PAPOLA: variants seen among roughly 807,000 people sequenced by gnomAD.
The protein encoded by PAPOLA is poly(A) polymerase alpha.
In PAPOLA, 15 loss-of-function variants were observed where a neutral mutation model predicts 100.6. That is an observed-to-expected ratio of 0.15 (90% CI 0.10 to 0.23). The LOEUF (loss-of-function observed/expected upper bound fraction) is 0.23, where lower values mean the gene tolerates loss of function less well. PAPOLA is among the 10% of genes least tolerant of loss of function. The pLI is 1.00. For synonymous variants in PAPOLA, 293 were observed against 300.0 expected, an observed-to-expected ratio of 0.98 and a Z score of 0.24; for missense variants, 533 against 884.2, an observed-to-expected ratio of 0.60 and a Z score of 5.04.
intron 1 of PAPOLA, among the ~76,000 whole-genome samples, chr14:96,505,453 CAT>C (rs1452988114): frequency 6.6e-6 from 1 of 152,146 alleles, no homozygotes; most frequent in Non-Finnish European, 1.5e-5. Context: ...GAGTATCACA[CAT>C]ATGATAAAAA....
chr14:96,557,911 G>A (rs1317967237), intron 19 of PAPOLA, among the ~76,000 whole-genome samples: 1 of 151,782 alleles, frequency 6.6e-6, no homozygotes, highest in Admixed American at 6.6e-5. Context: ...TTAAATTGTT[G>A]TTATGATGTA....
At chr14:96,556,030 G>A in intron 18 of PAPOLA, 83 bp downstream of exon 18, 1 of 1,181,064 alleles carries the variant, frequency 8.5e-7, no homozygotes. Flanking sequence ...GGTTTGTTAA[G>A]TAGTTGAAAT....
At position 96,566,904 on chromosome 14, in the gene PAPOLA, C is replaced by G. The variant is rs149042934; in HGVS notation, c.*1854C>G. On this transcript the variant is annotated 3_prime_UTR_variant, in exon 22 of 22. Coordinates refer to ENST00000216277, the MANE Select transcript of PAPOLA (RefSeq NM_032632.5). Reference sequence around the variant, plus strand: ...CACCCAAGTTTTGCCAAGCTGGAAACTTGGACCTTTTCTGTGTAGTGACTT... The same window carrying G: ...CACCCAAGTTTTGCCAAGCTGGAAAGTTGGACCTTTTCTGTGTAGTGACTT... The G allele has an allele frequency of 4.6e-5, 7 of 152,682 alleles. No homozygotes were observed. Among genetic ancestry groups the G allele is most frequent in the African/African-American group, 1.4e-4 (6 of 41,570 alleles). 9.5% of individuals were successfully genotyped at this position (152,682 alleles called of 1,614,324 possible). A position where few individuals can be genotyped will look rare whatever the true frequency, so the allele number is the denominator to read the frequency against.
In PAPOLA at chr14:96,536,825, A is replaced by G. The variant is rs1344268502; in HGVS notation, c.1031-151A>G. On this transcript the variant is annotated intron_variant, in intron 11 of 21. Transcript: ENST00000216277. ...TTAAAAAAAAAATGTGTATATATAT[A>G]AGAGTATGCTCTAAAATCATAAGCT... The G allele has an allele frequency of 7.0e-6, 4 of 567,906 alleles. No homozygotes were observed. In the South Asian group the frequency reaches 7.6e-5, roughly 11 times the overall value. 35.2% of individuals were successfully genotyped at this position (567,906 alleles called of 1,614,324 possible).
intron 1 of PAPOLA, among the ~76,000 whole-genome samples, chr14:96,517,718 T>TC (rs1288605838): frequency 2.0e-5 from 3 of 150,530 alleles, no homozygotes; most frequent in Admixed American, 6.6e-5. Flanking sequence ...TTTTTTTTTT[T>TC]CCTGAGATGG....
At position 96,549,350 on chromosome 14, in the gene PAPOLA, G is replaced by A. The variant is rs377276956; in HGVS notation, c.1521+1432G>A. ...TGCAAGCTCCGCCTCCTGGGTTCAC[G>A]CCATTCTCCTGCCTCAGCCTCATGA... On this transcript the variant is annotated intron_variant, in intron 16 of 21. Coordinates refer to ENST00000216277, the MANE Select transcript of PAPOLA (RefSeq NM_032632.5). 3.8e-4 allele frequency among the ~76,000 whole-genome samples: 57 copies of A among 151,496 alleles called. No homozygotes were observed. In the East Asian group the frequency reaches 4.9e-3, roughly 13 times the overall value.
At chr14:96,548,870 CAAT>C (rs1900605667) in intron 16 of PAPOLA, among the ~76,000 whole-genome samples, 1 of 151,988 alleles carries the variant, frequency 6.6e-6, no homozygotes, top group South Asian at 2.1e-4. Context: ...TTTCTTAAAA[CAAT>C]ATATTATGAT....
chr14:96,553,548 T>G (rs1901032527), intron 17 of PAPOLA: 3 of 152,028 alleles, frequency 2.0e-5, no homozygotes, highest in Admixed American at 2.0e-4. Context: ...AGTCTCGCTC[T>G]GTCACCCAGG....
At chr14:96,503,383 C>T (rs773289677) in intron 1 of PAPOLA, among the ~76,000 whole-genome samples, 1 of 151,406 alleles carries the variant, frequency 6.6e-6, no homozygotes, top group South Asian at 2.1e-4. Flanking sequence ...AGGCTTGAAG[C>T]TAGTCTCTTT....
At chr14:96,510,690 G>A (rs1897055682) in intron 1 of PAPOLA, among the ~76,000 whole-genome samples, 1 of 152,204 alleles carries the variant, frequency 6.6e-6, no homozygotes, top group South Asian at 2.1e-4. Context: ...CTCTGCTGCT[G>A]CTTTACTAAA....
intron 7 of PAPOLA, chr14:96,532,129 G>A: frequency 7.3e-7 from 1 of 1,371,810 alleles, no homozygotes; most frequent in Admixed American, 3.5e-5. Flanking sequence ...GGAGATAAAT[G>A]CTTTAGATTT....
At chr14:96,539,054 T>C (rs1039217552) in intron 12 of PAPOLA, among the ~76,000 whole-genome samples, 2 of 152,114 alleles carry the variant, frequency 1.3e-5, no homozygotes, top group Non-Finnish European at 2.9e-5. Context: ...TAACATTGTT[T>C]TGTGAAATTT....
At chr14:96,527,805 T>C (rs912716244) in intron 5 of PAPOLA, 148 bp from the exon 6 acceptor site, 2 of 693,662 alleles carry the variant, frequency 2.9e-6, no homozygotes, top group Non-Finnish European at 5.2e-6. Flanking sequence ...AAGTAAAATA[T>C]TTGAACCTTG....
chr14:96,532,027 C>T (rs1899062349), intron 7 of PAPOLA: 1 of 1,251,272 alleles, frequency 8.0e-7, no homozygotes, highest in African/African-American at 1.6e-5. Flanking sequence ...AAGTCTTCCG[C>T]AGTATATGTG....
At chr14:96,528,254 CA>C (rs779264832) in intron 6 of PAPOLA, among the ~76,000 whole-genome samples, 9 of 152,272 alleles carry the variant, frequency 5.9e-5, no homozygotes, top group Non-Finnish European at 1.3e-4. Context: ...AATGCTATTA[CA>C]AAAAAGTTTT....
Position 96,502,486 on chromosome 14 carries a change from G to A in PAPOLA, c.-107G>A, listed in dbSNP as rs904601930. 9.4e-6 allele frequency: 8 copies of A among 852,814 alleles called. No homozygotes were observed. Among genetic ancestry groups the A allele is most frequent in the Non-Finnish European group, 1.3e-5 (7 of 531,812 alleles). 52.8% of individuals were successfully genotyped at this position (852,814 alleles called of 1,614,324 possible). ...GTGCGGGAGAGGGGTTGGACCCAGG[G>A]CTGAGGCAGGCCCCCCCCTCCCTCC... On this transcript the variant is annotated 5_prime_UTR_variant, in exon 1 of 22. Transcript: ENST00000216277.
intron 12 of PAPOLA, among the ~76,000 whole-genome samples, chr14:96,540,553 G>T (rs887738546): frequency 1.3e-5 from 2 of 151,868 alleles, no homozygotes; most frequent in Non-Finnish European, 1.5e-5. Context: ...TAAAATACAT[G>T]ATTTTTTAAT....
intron 3 of PAPOLA, among the ~76,000 whole-genome samples, chr14:96,523,699 C>G (rs1898214539): frequency 6.6e-6 from 1 of 152,214 alleles, no homozygotes; most frequent in African/African-American, 2.4e-5. Flanking sequence ...TAATCCAACA[C>G]TTTGGGAGGC....
At chr14:96,544,449 G>A (rs1272753624) in intron 15 of PAPOLA, among the ~76,000 whole-genome samples, 191 bp downstream of exon 15, 1 of 151,988 alleles carries the variant, frequency 6.6e-6, no homozygotes, top group Non-Finnish European at 1.5e-5. Context: ...GGGACCAGAA[G>A]TGTTTAGGAT....
Sources: gnomAD v4.1 joint callset for allele counts (sites outside exome capture counted in the v4.1 genomes callset) on GRCh38, gnomAD v4.1.1 for gene constraint, MANE v1.5 for transcripts, NCBI Gene and HGNC (gene_info 2026-07-23, HGNC 2026-07-21) for gene names.